Variants in VIPR2 observed in about 807,000 individuals in gnomAD.
VIPR2 encodes the protein vasoactive intestinal polypeptide receptor 2.
Under a neutral mutation model 58.0 loss-of-function variants are expected in VIPR2, and 48 were observed. The ratio of observed to expected loss-of-function variants is 0.83; its 90% CI spans 0.66 to 1.05. The LOEUF is 1.05. VIPR2 is among the 50% of genes least tolerant of loss of function. The probability of loss-of-function intolerance (pLI) is 0.00; values close to 1 mark genes in which losing one functional copy is unlikely to be tolerated. For synonymous variants in VIPR2, 243 were observed against 235.2 expected, an observed-to-expected ratio of 1.03 and a Z score of -0.30; for missense variants, 534 against 558.0, an observed-to-expected ratio of 0.96 and a Z score of 0.43.
At chr7:159,077,009 T>C (rs1856669940) in intron 4 of VIPR2, among the ~76,000 whole-genome samples, 1 of 152,202 alleles carries the variant, frequency 6.6e-6, no homozygotes, top group East Asian at 1.9e-4. Flanking sequence ...TGAGTAGAGA[T>C]TGACTTTATG....
intron 2 of VIPR2, among the ~76,000 whole-genome samples, chr7:159,132,349 C>T (rs1322125185): frequency 2.9e-5 from 4 of 139,498 alleles, no homozygotes; most frequent in African/African-American, 7.8e-5. Context: ...CTCTCCGACT[C>T]CATGGGAGCA....
chr7:159,144,160 C>A (rs905196179), intron 1 of VIPR2: 2 of 769,626 alleles, frequency 2.6e-6, no homozygotes, highest in Non-Finnish European at 3.6e-6. Flanking sequence ...GGGAATAATT[C>A]AGAACTCCAT....
At chr7:159,133,028 A>AGTCTACTAACAT (rs1797037735) in intron 2 of VIPR2, among the ~76,000 whole-genome samples, 2 of 143,016 alleles carry the variant, frequency 1.4e-5, no homozygotes, top group Admixed American at 7.0e-5. Flanking sequence ...AGACAGAATG[A>AGTCTACTAACAT]TTCCAAAAAT....
chr7:159,090,809 C>T lies in VIPR2; in HGVS notation c.357+12948G>A, dbSNP rs571837944. ...ATCCCCAGTGACCTCGGCACAGACACGCTGGGACCCACGCACAGGGGCCAC... is the reference window on the plus strand; with the variant it reads ...ATCCCCAGTGACCTCGGCACAGACATGCTGGGACCCACGCACAGGGGCCAC... On this transcript the variant is annotated intron_variant, in intron 4 of 12. Transcript: ENST00000262178. Among the ~76,000 whole-genome samples, 387 of 91,840 alleles carry T rather than the reference C, an allele frequency of 4.2e-3. 5 individuals carry two copies. The highest frequency in any genetic ancestry group is 0.016 in the African/African-American group (367 of 23,334). The allele number at this position is 91,840 out of a possible 152,430, so 60.3% of individuals were successfully genotyped here. A position where few individuals can be genotyped will look rare whatever the true frequency, so the allele number is the denominator to read the frequency against.
chr7:159,094,248 C>T (rs897144460), intron 4 of VIPR2, among the ~76,000 whole-genome samples: 2 of 152,148 alleles, frequency 1.3e-5, no homozygotes, highest in East Asian at 1.9e-4. Flanking sequence ...GAAGAGGCCA[C>T]GGGGTCTCTG....
chr7:159,141,953 C>T (rs531335438), intron 2 of VIPR2, among the ~76,000 whole-genome samples: 8 of 152,198 alleles, frequency 5.3e-5, no homozygotes, highest in African/African-American at 9.7e-5. Flanking sequence ...TCTGTCAAAC[C>T]GGAGAAGGCG....
intron 3 of VIPR2, among the ~76,000 whole-genome samples, chr7:159,105,565 G>C (rs944250106): frequency 2.6e-5 from 4 of 152,126 alleles, no homozygotes; most frequent in Non-Finnish European, 4.4e-5. Flanking sequence ...CTGGGGAGGA[G>C]TGGGGTGGGA....
At chr7:159,136,329 A>G (rs1194009163) in intron 2 of VIPR2, among the ~76,000 whole-genome samples, 1 of 152,100 alleles carries the variant, frequency 6.6e-6, no homozygotes, top group African/African-American at 2.4e-5. Flanking sequence ...CCCACTTACG[A>G]GGGCAGAGCT....
At chr7:159,133,105 A>G (rs930319587) in intron 2 of VIPR2, among the ~76,000 whole-genome samples, 6 of 152,408 alleles carry the variant, frequency 3.9e-5, no homozygotes, top group South Asian at 2.1e-4. Context: ...TGCCTTTTCC[A>G]TAAGAAGATT....
intron 2 of VIPR2, among the ~76,000 whole-genome samples, chr7:159,132,067 C>G (rs1385961955): frequency 2.6e-5 from 4 of 151,844 alleles, no homozygotes; most frequent in African/African-American, 9.7e-5. Flanking sequence ...AAAAGCCTCC[C>G]CCTCACATTC....
At chr7:159,082,418 G>A (rs1408555189) in intron 4 of VIPR2, among the ~76,000 whole-genome samples, 3 of 151,872 alleles carry the variant, frequency 2.0e-5, no homozygotes, top group Non-Finnish European at 4.4e-5. Context: ...TGAACAATGA[G>A]AACACATGGA....
At chr7:159,088,397 C>T (rs1857299829) in intron 4 of VIPR2, among the ~76,000 whole-genome samples, 1 of 152,122 alleles carries the variant, frequency 6.6e-6, no homozygotes, top group African/African-American at 2.4e-5. Context: ...ACACAAGCTG[C>T]AGCACAGCTG....
chr7:159,091,564 C>T (rs949757045), intron 4 of VIPR2, among the ~76,000 whole-genome samples: 13 of 152,230 alleles, frequency 8.5e-5, no homozygotes, highest in East Asian at 1.9e-4. Context: ...ATGCCTGCCT[C>T]GCAGGGGGCC....
At chr7:159,036,286 GAGA>G (rs1271034241) in intron 7 of VIPR2, among the ~76,000 whole-genome samples, 2 of 152,304 alleles carry the variant, frequency 1.3e-5, no homozygotes, top group Admixed American at 6.5e-5. Context: ...TGAACGTGCG[GAGA>G]AGGAGATGTG....
At chr7:159,062,831 AGCTGATTGGTCTGTTTTACT>A (rs1436746284) in intron 4 of VIPR2, among the ~76,000 whole-genome samples, 4 of 110,648 alleles carry the variant, frequency 3.6e-5, no homozygotes, top group Non-Finnish European at 8.4e-5. Flanking sequence ...TTTTACAGAG[AGCTGATTGGTCTGTTTTACT>A]GAGAGCTGAT....
In VIPR2 at chr7:159,127,121, C is replaced by T. The variant is rs986195423; in HGVS notation, c.151+15325G>A. 8.5e-5 allele frequency among the ~76,000 whole-genome samples: 13 copies of T among 152,314 alleles called. No homozygotes were observed. Among genetic ancestry groups the T allele is most frequent in the African/African-American group, 1.9e-4 (8 of 41,576 alleles). On this transcript the variant is annotated intron_variant, in intron 2 of 12. Transcript: ENST00000262178. The surrounding 1 kb of genome is among the most constrained non-coding windows in gnomAD (Gnocchi z 4.6). ...CTGCAGAGGATACTTTACAGCAAGC[C>T]GGATTTTCTTCAGATGACTCAGATA...
chr7:159,107,426 C>T (rs1416720493), intron 3 of VIPR2, among the ~76,000 whole-genome samples: 1 of 152,242 alleles, frequency 6.6e-6, no homozygotes, highest in Non-Finnish European at 1.5e-5. Context: ...CTCACCCTGG[C>T]TCCCTGCTTC....
At chr7:159,092,301 A>C (rs1857549461) in intron 4 of VIPR2, among the ~76,000 whole-genome samples, 1 of 152,186 alleles carries the variant, frequency 6.6e-6, no homozygotes, top group African/African-American at 2.4e-5. Flanking sequence ...CAGGTGTGAC[A>C]GGAGCGGGTC....
intron 4 of VIPR2, among the ~76,000 whole-genome samples, chr7:159,100,615 T>G (rs1182424167): frequency 6.6e-6 from 1 of 152,244 alleles, no homozygotes; most frequent in African/African-American, 2.4e-5. Flanking sequence ...AATCTCATAT[T>G]GAATTGTAGC....
Sources: gnomAD v4.1 joint callset for allele counts (sites outside exome capture counted in the v4.1 genomes callset) on GRCh38, gnomAD v4.1.1 for gene constraint, Gnocchi (gnomAD v3.1) non-coding constraint, MANE v1.5 for transcripts, NCBI Gene and HGNC (gene_info 2026-07-23, HGNC 2026-07-21) for gene names.